The following PIP5K1B variants were observed in gnomAD, a reference collection of about 807,000 sequenced individuals.
PIP5K1B encodes the protein phosphatidylinositol-4-phosphate 5-kinase type 1 beta.
A neutral mutation model predicts 67.0 loss-of-function variants in PIP5K1B; 42 were observed. The observed-to-expected ratio is 0.63, with a 90% CI of 0.49 to 0.81. The LOEUF (loss-of-function observed/expected upper bound fraction) is 0.81, where lower values mean the gene tolerates loss of function less well. PIP5K1B is among the 30% of genes least tolerant of loss of function. PIP5K1B has a pLI of 0.00. For synonymous variants in PIP5K1B, 214 were observed against 231.4 expected, an observed-to-expected ratio of 0.92 and a Z score of 0.68; for missense variants, 459 against 646.3, an observed-to-expected ratio of 0.71 and a Z score of 3.14.
At chr9:68,950,130 T>G (rs1827987432) in intron 14 of PIP5K1B, among the ~76,000 whole-genome samples, 1 of 152,192 alleles carries the variant, frequency 6.6e-6, no homozygotes, top group Non-Finnish European at 1.5e-5. Context: ...CCAGTGTGGT[T>G]CCTCTGACCT....
intron 2 of PIP5K1B, among the ~76,000 whole-genome samples, chr9:68,749,974 C>T (rs982234745): frequency 6.6e-6 from 1 of 152,240 alleles, no homozygotes. Flanking sequence ...GTTAGGCACC[C>T]TCTCTGAGCC....
chr9:68,837,596 C>T (rs989317074), intron 4 of PIP5K1B, among the ~76,000 whole-genome samples: 3 of 119,636 alleles, frequency 2.5e-5, no homozygotes, highest in Non-Finnish European at 5.1e-5. Flanking sequence ...TTTTACTTTT[C>T]CTTACTTTGT....
intron 14 of PIP5K1B, among the ~76,000 whole-genome samples, chr9:68,946,577 C>T (rs984541467): frequency 6.6e-5 from 10 of 151,490 alleles, no homozygotes; most frequent in South Asian, 4.2e-4. Flanking sequence ...TTAGTAGAGA[C>T]GGGGTTTGGG....
At chr9:68,800,864 G>A (rs905235255) in intron 2 of PIP5K1B, among the ~76,000 whole-genome samples, 1 of 152,164 alleles carries the variant, frequency 6.6e-6, no homozygotes, top group South Asian at 2.1e-4. Flanking sequence ...CTCCATGACT[G>A]TTAAGTTCTT....
intron 2 of PIP5K1B, among the ~76,000 whole-genome samples, chr9:68,779,112 C>T (rs1831076604): frequency 6.6e-6 from 1 of 150,530 alleles, no homozygotes; most frequent in South Asian, 2.1e-4. Flanking sequence ...CAGTGTTTGG[C>T]ACATAGTAAG....
intron 14 of PIP5K1B, among the ~76,000 whole-genome samples, chr9:68,951,868 T>C (rs1394524349): frequency 2.0e-5 from 3 of 152,200 alleles, no homozygotes; most frequent in Non-Finnish European, 4.4e-5. Context: ...GCTGATTCCT[T>C]TGGCAATTAC....
intron 14 of PIP5K1B, chr9:68,966,865 T>C (rs942479951): frequency 2.0e-5 from 3 of 152,232 alleles, no homozygotes; most frequent in Middle Eastern, 3.2e-3. Context: ...AAACTGTCTC[T>C]TGAGGCTTTA....
At chr9:68,740,992 A>C (rs1828979034) in intron 1 of PIP5K1B, among the ~76,000 whole-genome samples, 1 of 152,230 alleles carries the variant, frequency 6.6e-6, no homozygotes, top group Non-Finnish European at 1.5e-5. Context: ...TTTAGCTTTA[A>C]AATCTCAAAT....
chr9:68,993,365 C>T (rs995982093), intron 15 of PIP5K1B, among the ~76,000 whole-genome samples: 3 of 152,154 alleles, frequency 2.0e-5, no homozygotes, highest in African/African-American at 7.2e-5. Context: ...TTCCACCTAT[C>T]CCATGCTCCC....
chr9:68,729,886 T>A (rs4745228), intron 1 of PIP5K1B, among the ~76,000 whole-genome samples: 4 of 151,688 alleles, frequency 2.6e-5, no homozygotes, highest in Admixed American at 2.0e-4. Context: ...GAATATACCC[T>A]TAGATCCAGT....
At chr9:68,850,877 G>A (rs566031759) in intron 4 of PIP5K1B, among the ~76,000 whole-genome samples, 1 of 152,160 alleles carries the variant, frequency 6.6e-6, no homozygotes, top group Non-Finnish European at 1.5e-5. Context: ...ATTATACTGT[G>A]TTACATTTAT....
chr9:68,846,479 T>C (rs575395975), intron 4 of PIP5K1B, among the ~76,000 whole-genome samples: 2 of 152,340 alleles, frequency 1.3e-5, no homozygotes, highest in East Asian at 3.9e-4. Flanking sequence ...TTGATGTCAT[T>C]CCTTAGTCCT....
In PIP5K1B at chr9:68,824,893, C is replaced by A. The variant is rs368217433; in HGVS notation, c.69+2210C>A. On this transcript the variant is annotated intron_variant, in intron 4 of 15. Coordinates refer to ENST00000265382, the MANE Select transcript of PIP5K1B (RefSeq NM_003558.4). The stretch of plus-strand genomic sequence containing the variant: ...ATTTCCCAGATGAAAGAACTTAAAG[C>A]TAGAATAGGAAAACCTCTGAATGTG... Among the ~76,000 whole-genome samples the A allele has an allele frequency of 1.9e-4, 29 of 152,148 alleles. No homozygotes were observed. The South Asian group carries it at 3.7e-3, about 20-fold the overall frequency.
intron 1 of PIP5K1B, among the ~76,000 whole-genome samples, chr9:68,727,225 T>A (rs1420865878): frequency 6.6e-6 from 1 of 152,130 alleles, no homozygotes; most frequent in African/African-American, 2.4e-5. Flanking sequence ...TATCAACAGT[T>A]GTAAAGATAA....
In PIP5K1B at chr9:68,773,439, A is replaced by G. The variant is rs933984869; in HGVS notation, c.-86+30782A>G. Among the ~76,000 whole-genome samples the G allele has an allele frequency of 2.2e-4, 34 of 152,342 alleles. 1 individual carries two copies. Among genetic ancestry groups the G allele is most frequent in the Admixed American group, 2.1e-3 (32 of 15,302 alleles). ...AGATATCACTCCTGTTTTCTATTCT[A>G]TTCAAAAGACTTAAGGGATTAGAGA... On this transcript the variant is annotated intron_variant, in intron 2 of 15. Transcript: ENST00000265382.
chr9:68,712,223 C>T (rs968688443), intron 1 of PIP5K1B, among the ~76,000 whole-genome samples: 2 of 152,158 alleles, frequency 1.3e-5, no homozygotes, highest in Non-Finnish European at 2.9e-5. Context: ...CTTGCTCCCT[C>T]TTTTACATGG....
Position 68,800,227 on chromosome 9 carries a change from A to G in PIP5K1B, c.-85-18234A>G, listed in dbSNP as rs973561546. 5.3e-5 allele frequency among the ~76,000 whole-genome samples: 8 copies of G among 152,286 alleles called. 1 individual carries two copies. The highest frequency in any genetic ancestry group is 1.9e-4 in the African/African-American group (8 of 41,550). Reference sequence around the variant, plus strand: ...CGGTTTGGGCCAGTGAGTGAGGAGAAGCCTCACACACAGCATGTGGTATGT... The same window carrying G: ...CGGTTTGGGCCAGTGAGTGAGGAGAGGCCTCACACACAGCATGTGGTATGT... On this transcript the variant is annotated intron_variant, in intron 2 of 15. Transcript: ENST00000265382.
intron 14 of PIP5K1B, among the ~76,000 whole-genome samples, chr9:68,985,046 C>T (rs1830040709): frequency 6.6e-6 from 1 of 152,122 alleles, no homozygotes; most frequent in Admixed American, 6.5e-5. Flanking sequence ...ATGAGTGTAA[C>T]AGGCTGGGTG....
chr9:68,830,318 T>G (rs151045830), intron 4 of PIP5K1B, among the ~76,000 whole-genome samples: 5 of 152,274 alleles, frequency 3.3e-5, no homozygotes, highest in African/African-American at 1.2e-4. Context: ...TGCTTCTGTC[T>G]CCTTCCTCAC....
Sources: allele counts gnomAD v4.1 joint callset (sites outside exome capture counted in the v4.1 genomes callset), GRCh38; gene constraint gnomAD v4.1.1; transcripts MANE v1.5; gene names NCBI Gene and HGNC (gene_info 2026-07-23, HGNC 2026-07-21).